Variants in LDLRAD4 observed in about 807,000 individuals in gnomAD.
LDLRAD4 encodes the protein low-density lipoprotein receptor class A domain-containing protein 4.
A neutral mutation model predicts 17.0 loss-of-function variants in LDLRAD4; 5 were observed. The observed-to-expected ratio is 0.29, with a 90% CI of 0.15 to 0.62. LDLRAD4 has a LOEUF of 0.62. Ranked by LOEUF, LDLRAD4 falls within the 20% of genes least tolerant of loss-of-function variation. The probability of loss-of-function intolerance (pLI) is 0.84; values close to 1 mark genes in which losing one functional copy is unlikely to be tolerated. For missense variants in LDLRAD4, 340 were observed against 424.7 expected (o/e 0.80, Z 1.75); for synonymous variants, 168 against 171.8 (o/e 0.98, Z 0.17).
chr18:13,346,149 C>G (rs2082674489), intron 1 of LDLRAD4, among the ~76,000 whole-genome samples: 1 of 152,192 alleles, frequency 6.6e-6, no homozygotes, highest in African/African-American at 2.4e-5. Flanking sequence ...TCTTGCTTCT[C>G]TAGTTCTTTC....
intron 3 of LDLRAD4, among the ~76,000 whole-genome samples, chr18:13,519,384 G>A (rs530800005): frequency 6.6e-6 from 1 of 152,144 alleles, no homozygotes; most frequent in Non-Finnish European, 1.5e-5. Flanking sequence ...CTCTTTCCCT[G>A]TCTGCCTTGG....
intron 1 of LDLRAD4, among the ~76,000 whole-genome samples, chr18:13,386,939 GATAGATA>G (rs1568082895): frequency 0.011 from 1,418 of 127,116 alleles, 25 homozygotes; most frequent in African/African-American, 0.045. Flanking sequence ...TAGATAGATA[GATAGATA>G]GATGGATGGA....
chr18:13,616,392 A>G (rs2040081925), intron 3 of LDLRAD4, among the ~76,000 whole-genome samples: 1 of 152,156 alleles, frequency 6.6e-6, no homozygotes, highest in South Asian at 2.1e-4. Context: ...TTTCACTTTG[A>G]GGATCTCCTG....
chr18:13,453,681 C>T (rs1229607644), intron 3 of LDLRAD4, among the ~76,000 whole-genome samples: 2 of 152,304 alleles, frequency 1.3e-5, no homozygotes, highest in African/African-American at 2.4e-5. Flanking sequence ...TCAGGGCATG[C>T]GATGTCTTTG....
chr18:13,510,708 G>C (rs1292961587), intron 3 of LDLRAD4, among the ~76,000 whole-genome samples: 1 of 152,190 alleles, frequency 6.6e-6, no homozygotes, highest in Non-Finnish European at 1.5e-5. Flanking sequence ...GAAAGGCAAA[G>C]TCAGTTGGGT....
intron 1 of LDLRAD4, among the ~76,000 whole-genome samples, chr18:13,383,410 T>A (rs1301082306): frequency 6.6e-6 from 1 of 152,124 alleles, no homozygotes. Flanking sequence ...GACCAGGTGC[T>A]GCGGGTTGTG....
chr18:13,442,451 G>A (rs959566252), intron 3 of LDLRAD4, among the ~76,000 whole-genome samples: 4 of 152,234 alleles, frequency 2.6e-5, no homozygotes, highest in Non-Finnish European at 4.4e-5. Flanking sequence ...GAGCATGAGC[G>A]TAGGTTGGCA....
At chr18:13,387,040 G>A (rs1440921488) in intron 1 of LDLRAD4, among the ~76,000 whole-genome samples, 1 of 152,214 alleles carries the variant, frequency 6.6e-6, no homozygotes, top group African/African-American at 2.4e-5. Context: ...GTGCTGACCA[G>A]TGGCCATGCA....
chr18:13,492,910 G>A (rs8085059), intron 3 of LDLRAD4, among the ~76,000 whole-genome samples: 52,486 of 151,916 alleles, frequency 0.35, 10,376 homozygotes, highest in Non-Finnish European at 0.43. Flanking sequence ...TGGGAGGATC[G>A]CTGTGCTACC....
chr18:13,477,043 G>A (rs2092958122), intron 3 of LDLRAD4, among the ~76,000 whole-genome samples: 1 of 152,158 alleles, frequency 6.6e-6, no homozygotes, highest in African/African-American at 2.4e-5. Flanking sequence ...ACCTCACAAT[G>A]GACTAGGCTT....
intron 3 of LDLRAD4, among the ~76,000 whole-genome samples, chr18:13,591,416 A>ATG (rs372202447): frequency 0.46 from 63,439 of 138,090 alleles, 13,320 homozygotes; most frequent in Admixed American, 0.47. Flanking sequence ...ATGTGTGTGT[A>ATG]TGTGTGTGTG....
intron 3 of LDLRAD4, among the ~76,000 whole-genome samples, chr18:13,590,329 T>TG (rs1305412822): frequency 5.2e-5 from 6 of 115,986 alleles, no homozygotes; most frequent in Non-Finnish European, 9.0e-5. Flanking sequence ...TATGTGTATG[T>TG]GGGGGGTAAG....
intron 1 of LDLRAD4, among the ~76,000 whole-genome samples, chr18:13,270,128 C>T (rs976846974): frequency 6.6e-6 from 1 of 152,004 alleles, no homozygotes; most frequent in African/African-American, 2.4e-5. Context: ...TTTGAGAGGC[C>T]AAGGTGGGAT....
intron 3 of LDLRAD4, among the ~76,000 whole-genome samples, chr18:13,517,125 A>G (rs1419411056): frequency 6.6e-6 from 1 of 152,242 alleles, no homozygotes; most frequent in African/African-American, 2.4e-5. Flanking sequence ...TGCCAGGATT[A>G]CAGATGTGAG....
intron 1 of LDLRAD4, among the ~76,000 whole-genome samples, chr18:13,305,129 C>T (rs541226559): frequency 6.6e-6 from 1 of 152,026 alleles, no homozygotes; most frequent in Admixed American, 6.5e-5. Flanking sequence ...TTAGGCATGT[C>T]ATGAATGCAT....
At chr18:13,351,497 G>A (rs879508295) in intron 1 of LDLRAD4, among the ~76,000 whole-genome samples, 1 of 152,134 alleles carries the variant, frequency 6.6e-6, no homozygotes, top group Non-Finnish European at 1.5e-5. Flanking sequence ...AGACTTTGCT[G>A]CAGTTGCTTA....
intron 3 of LDLRAD4, chr18:13,543,408 C>T (rs1447691905): frequency 6.6e-6 from 1 of 152,168 alleles, no homozygotes; most frequent in Non-Finnish European, 1.5e-5. Flanking sequence ...TTTAGTTTTG[C>T]CCTGGTGCTG....
intron 1 of LDLRAD4, among the ~76,000 whole-genome samples, chr18:13,270,727 C>A (rs1428842060): frequency 6.6e-6 from 1 of 152,178 alleles, no homozygotes; most frequent in African/African-American, 2.4e-5. Context: ...TCGGCAGGTT[C>A]CACTGGGAGG....
chr18:13,461,520 CA>C (rs1290227879), intron 3 of LDLRAD4: 1 of 152,154 alleles, frequency 6.6e-6, no homozygotes, highest in East Asian at 1.9e-4. Flanking sequence ...AATAAAGCAA[CA>C]AAAGCAGAGA....
Sources: allele counts gnomAD v4.1 joint callset (sites outside exome capture counted in the v4.1 genomes callset), GRCh38; gene constraint gnomAD v4.1.1; transcripts MANE v1.5; gene names NCBI Gene and HGNC (gene_info 2026-07-23, HGNC 2026-07-21).